Variants in MLIP observed in about 807,000 individuals in gnomAD.
The protein encoded by MLIP is muscular LMNA interacting protein, also known as muscular LMNA-interacting protein.
Under a neutral mutation model 84.8 loss-of-function variants are expected in MLIP, and 79 were observed. That is an observed-to-expected ratio of 0.93 (90% CI 0.78 to 1.12). The LOEUF is 1.12. MLIP is among the 50% of genes most tolerant of loss of function. The pLI is 0.00. For missense variants in MLIP, 1,257 were observed against 1,160.6 expected, an observed-to-expected ratio of 1.08 and a Z score of -1.21; for synonymous variants, 504 against 463.0, an observed-to-expected ratio of 1.09 and a Z score of -1.14.
At chr6:54,053,291 A>T (rs1440190266) in intron 1 of MLIP, among the ~76,000 whole-genome samples, 2 of 152,196 alleles carry the variant, frequency 1.3e-5, no homozygotes, top group African/African-American at 4.8e-5. Context: ...AAGGTAAAAG[A>T]ATATGCTCAG....
intron 1 of MLIP, among the ~76,000 whole-genome samples, chr6:54,104,761 T>G (rs577304574): frequency 4.2e-4 from 64 of 152,270 alleles, no homozygotes; most frequent in Non-Finnish European, 8.1e-4. Context: ...TCATCAAATA[T>G]TATGGCTAAA....
chr6:54,264,446 T>C (rs1253283937), intron 13 of MLIP, among the ~76,000 whole-genome samples: 1 of 152,046 alleles, frequency 6.6e-6, no homozygotes, highest in African/African-American at 2.4e-5. Context: ...GGGGTTTAAT[T>C]TGGAGCACTA....
In MLIP at chr6:54,124,769, T is replaced by C. The variant is rs139795028; in HGVS notation, c.549T>C (p.Ser183=). 9.9e-6 allele frequency: 16 copies of C among 1,614,096 alleles called. No homozygotes were observed. Among genetic ancestry groups the C allele is most frequent in the Non-Finnish European group, 1.4e-5 (16 of 1,180,044 alleles). The part of the protein sequence containing the change: ...KSLAISSSLV[S]DVVRPKTQGT... ...TAGCTATCTCGTCCAGTCTGGTCTC[T>C]GATGTAGTGCGTCCCAAAACACAGG... is the stretch of plus-strand genomic sequence containing the variant. Residue 183 remains serine, a synonymous_variant, in exon 3 of 14, where the codon TCT becomes TCC. Coordinates refer to ENST00000502396, the MANE Select transcript of MLIP (RefSeq NM_001281747.2).
intron 12 of MLIP, among the ~76,000 whole-genome samples, chr6:54,254,237 C>T (rs547726707): frequency 1.3e-5 from 2 of 151,490 alleles, no homozygotes; most frequent in South Asian, 4.2e-4. Context: ...AGCAATTCTC[C>T]TGCCTCAGCC....
rs551581501 is a variant in MLIP at position 54,231,586 on chromosome 6, C to G, written c.2922+669C>G. ...TTTCTAGGAACAAGCAATTAAACTA[C>G]ATGGGGCTTACATATAAGTGCCCTT... On this transcript the variant is annotated intron_variant, in intron 12 of 13. Coordinates refer to ENST00000502396, the MANE Select transcript of MLIP (RefSeq NM_001281747.2). Among the ~76,000 whole-genome samples, 199 of 151,662 alleles carry G rather than the reference C, an allele frequency of 1.3e-3. 1 individual carries two copies. The Middle Eastern group carries it at 0.02, about 16-fold the overall frequency.
chr6:54,224,763 G>A (rs769438524), intron 11 of MLIP, among the ~76,000 whole-genome samples: 1 of 151,364 alleles, frequency 6.6e-6, no homozygotes, highest in South Asian at 2.1e-4. Context: ...AGTCCCCAAA[G>A]TTCATTGTAT....
intron 9 of MLIP, among the ~76,000 whole-genome samples, chr6:54,180,355 T>C (rs897652471): frequency 2.0e-5 from 3 of 152,212 alleles, no homozygotes; most frequent in African/African-American, 7.2e-5. Flanking sequence ...TGAATATTGA[T>C]ATCTTTCTCT....
intron 12 of MLIP, among the ~76,000 whole-genome samples, chr6:54,251,703 TATG>T (rs1417122819): frequency 1.1e-5 from 1 of 93,608 alleles, no homozygotes; most frequent in Non-Finnish European, 1.7e-5. Context: ...TATTATAACA[TATG>T]ATACATATAT....
intron 4 of MLIP, among the ~76,000 whole-genome samples, chr6:54,148,172 C>T (rs996479755): frequency 3.2e-4 from 49 of 152,280 alleles, no homozygotes; most frequent in African/African-American, 1.1e-3. Context: ...AATTTCCTCA[C>T]TGGTACTGGC....
chr6:54,142,910 A>G (rs1772439653), intron 4 of MLIP, among the ~76,000 whole-genome samples: 1 of 151,226 alleles, frequency 6.6e-6, no homozygotes, highest in Non-Finnish European at 1.5e-5. Context: ...TGAAAAAAAC[A>G]ACAACAACAA....
chr6:54,213,594 T>G (rs1856829), intron 11 of MLIP, among the ~76,000 whole-genome samples: 1 of 149,560 alleles, frequency 6.7e-6, no homozygotes. Context: ...CCCAGCTACT[T>G]GGGAGGCTGA....
At chr6:54,169,898 AG>A (rs745897926) in intron 9 of MLIP, among the ~76,000 whole-genome samples, 30 of 151,904 alleles carry the variant, frequency 2.0e-4, no homozygotes, top group Non-Finnish European at 3.7e-4. Context: ...CTTATAGAAT[AG>A]TCAACTCATA....
At chr6:54,118,969 A>G (rs1344998269) in intron 1 of MLIP, among the ~76,000 whole-genome samples, 1 of 152,232 alleles carries the variant, frequency 6.6e-6, no homozygotes. Context: ...GCTAATCATC[A>G]GGAAAATGCC....
intron 10 of MLIP, among the ~76,000 whole-genome samples, chr6:54,196,137 C>G (rs965430681): frequency 2.0e-5 from 3 of 151,980 alleles, no homozygotes; most frequent in Admixed American, 2.0e-4. Flanking sequence ...AAAGCCAATT[C>G]AAGAAAAATA....
chr6:54,142,514 A>C (rs1400372218), intron 4 of MLIP, among the ~76,000 whole-genome samples: 1 of 152,194 alleles, frequency 6.6e-6, no homozygotes, highest in East Asian at 1.9e-4. Flanking sequence ...AGTGCTTGAC[A>C]GGTACAAAGA....
At chr6:54,211,463 A>G (rs1444359811) in intron 11 of MLIP, among the ~76,000 whole-genome samples, 1 of 152,210 alleles carries the variant, frequency 6.6e-6, no homozygotes, top group Non-Finnish European at 1.5e-5. Context: ...AACTACATTT[A>G]GGCAGGATCT....
chr6:54,117,728 C>T (rs571114937), intron 1 of MLIP, among the ~76,000 whole-genome samples: 9 of 151,450 alleles, frequency 5.9e-5, no homozygotes, highest in African/African-American at 1.2e-4. Flanking sequence ...GGGCGGATCA[C>T]GAGATCAGGA....
chr6:54,043,703 A>T (rs995079032), intron 1 of MLIP, among the ~76,000 whole-genome samples: 1 of 152,178 alleles, frequency 6.6e-6, no homozygotes, highest in Non-Finnish European at 1.5e-5. Context: ...GCCAATTAGT[A>T]ACGGGAGTTG....
chr6:54,251,685 TA>T (rs1562108406), intron 12 of MLIP, among the ~76,000 whole-genome samples: 1 of 102,832 alleles, frequency 9.7e-6, no homozygotes, highest in African/African-American at 5.0e-5. Flanking sequence ...ACATATAATA[TA>T]AATATATATT....
Sources: allele counts gnomAD v4.1 joint callset (sites outside exome capture counted in the v4.1 genomes callset), GRCh38; gene constraint gnomAD v4.1.1; transcripts MANE v1.5; gene names NCBI Gene and HGNC (gene_info 2026-07-23, HGNC 2026-07-21).